Variants in TIAM1 observed in about 807,000 individuals in gnomAD.
TIAM1 encodes the protein TIAM Rac1 associated GEF 1, also known as rho guanine nucleotide exchange factor TIAM1.
TIAM1 carries 65 observed loss-of-function variants against 163.5 expected under a neutral mutation model. The observed-to-expected ratio is 0.40, with a 90% CI of 0.33 to 0.49. The LOEUF is 0.49. TIAM1 is among the 20% of genes least tolerant of loss of function. The pLI is 0.77. For missense variants in TIAM1, 1,789 were observed against 2,044.7 expected, an observed-to-expected ratio of 0.87 and a Z score of 2.41; for synonymous variants, 833 against 810.1, an observed-to-expected ratio of 1.03 and a Z score of -0.48.
intron 2 of TIAM1, among the ~76,000 whole-genome samples, chr21:31,383,428 T>C (rs2076813676): frequency 2.0e-5 from 3 of 152,180 alleles, no homozygotes; most frequent in Non-Finnish European, 4.4e-5. Flanking sequence ...CCCTAGGCTA[T>C]ATCCCACTCC....
At chr21:31,485,216 C>A (rs2147403960) in intron 1 of TIAM1, among the ~76,000 whole-genome samples, 1 of 152,240 alleles carries the variant, frequency 6.6e-6, no homozygotes, top group South Asian at 2.1e-4. Context: ...CAACACGCTG[C>A]CTTCCCACAA....
chr21:31,541,780 T>G (rs1465301857), intron 1 of TIAM1, among the ~76,000 whole-genome samples: 1 of 152,248 alleles, frequency 6.6e-6, no homozygotes. Context: ...ATCCTAGGAA[T>G]GCAGAAGAAT....
At chr21:31,469,079 CTTTT>C (rs765505214) in intron 1 of TIAM1, among the ~76,000 whole-genome samples, 17 of 110,906 alleles carry the variant, frequency 1.5e-4, no homozygotes, top group Admixed American at 4.2e-4. Flanking sequence ...GAACCAATCC[CTTTT>C]TTTTTTTTTT....
At chr21:31,340,894 AG>A (rs2075996799) in intron 1 of TIAM1, among the ~76,000 whole-genome samples, 1 of 152,170 alleles carries the variant, frequency 6.6e-6, no homozygotes, top group East Asian at 1.9e-4. Context: ...ACACTGGGAA[AG>A]TAAGATAAAA....
At chr21:31,548,809 T>C (rs1399950830) in intron 1 of TIAM1, among the ~76,000 whole-genome samples, 1 of 152,066 alleles carries the variant, frequency 6.6e-6, no homozygotes, top group African/African-American at 2.4e-5. Flanking sequence ...TTATTGACTA[T>C]GGACCTGATC....
At chr21:31,317,247 G>C (rs959050068) in intron 2 of TIAM1, among the ~76,000 whole-genome samples, 1 of 151,782 alleles carries the variant, frequency 6.6e-6, no homozygotes, top group Non-Finnish European at 1.5e-5. Flanking sequence ...CTGAGGTCAG[G>C]AGTTTGAGAC....
chr21:31,191,522 G>C (rs1250018772), intron 13 of TIAM1, among the ~76,000 whole-genome samples: 2 of 152,154 alleles, frequency 1.3e-5, no homozygotes, highest in African/African-American at 4.8e-5. Flanking sequence ...AGTAATGTCA[G>C]GACAGAAATC....
chr21:31,479,222 A>G (rs1385170393), intron 1 of TIAM1, among the ~76,000 whole-genome samples: 1 of 152,226 alleles, frequency 6.6e-6, no homozygotes, highest in Non-Finnish European at 1.5e-5. Flanking sequence ...CTCAATGAAC[A>G]GAATTTTAAA....
intron 1 of TIAM1, among the ~76,000 whole-genome samples, chr21:31,493,426 G>A (rs1457903630): frequency 6.6e-6 from 1 of 152,176 alleles, no homozygotes; most frequent in Non-Finnish European, 1.5e-5. Flanking sequence ...CATGAGAGAG[G>A]TGGCATCGGA....
intron 2 of TIAM1, among the ~76,000 whole-genome samples, chr21:31,387,208 T>C (rs974178147): frequency 1.4e-5 from 2 of 143,302 alleles, no homozygotes; most frequent in African/African-American, 5.2e-5. Context: ...TTTTTTTTTT[T>C]TTTTTTTTTT....
chr21:31,513,901 G>A (rs772815811), intron 1 of TIAM1, among the ~76,000 whole-genome samples: 20 of 152,090 alleles, frequency 1.3e-4, no homozygotes, highest in Non-Finnish European at 2.6e-4. Flanking sequence ...CAGCTACTCC[G>A]GAGGCTCAGG....
intron 2 of TIAM1, among the ~76,000 whole-genome samples, chr21:31,437,745 G>A (rs2044261995): frequency 2.0e-5 from 3 of 152,042 alleles, no homozygotes; most frequent in South Asian, 2.1e-4. Context: ...CTCTGGCCAC[G>A]TAAGAGTTGC....
At chr21:31,123,015 C>T (rs968911617) in intron 27 of TIAM1, among the ~76,000 whole-genome samples, 3 of 152,192 alleles carry the variant, frequency 2.0e-5, no homozygotes, top group African/African-American at 7.2e-5. Flanking sequence ...AAAAATGAGC[C>T]ATCAGGCAGA....
chr21:31,153,012 A>G (rs2083450612), intron 18 of TIAM1, 54 bp downstream of exon 18: 6 of 1,543,610 alleles, frequency 3.9e-6, no homozygotes, highest in Non-Finnish European at 5.3e-6. Context: ...CCTCTTTACC[A>G]ACAAGTCAAA....
At chr21:31,130,732 T>C (rs1449461729) in intron 24 of TIAM1, among the ~76,000 whole-genome samples, 158 bp downstream of exon 24, 2 of 152,158 alleles carry the variant, frequency 1.3e-5, no homozygotes, top group Non-Finnish European at 2.9e-5. Flanking sequence ...CCTGAAAAGA[T>C]GGCAGGATGA....
rs73353309 is a variant in TIAM1, at chr21:31,223,609, C to A, written c.1810-18G>T. 4.3e-3 allele frequency: 6,658 copies of A among 1,566,342 alleles called. 264 individuals carry two copies. In the African/African-American group the frequency reaches 0.082, roughly 19 times the overall value. ...ACAAAGATCTATGGTAGTGAAAACA[C>A]GGGAAAAGAAAAAGTGAGAAAATGG... On this transcript the variant is annotated intron_variant, in intron 7 of 27. Transcript: ENST00000541036.
intron 2 of TIAM1, among the ~76,000 whole-genome samples, chr21:31,281,333 A>G (rs895790061): frequency 3.9e-5 from 6 of 152,194 alleles, no homozygotes; most frequent in Admixed American, 6.5e-5. Flanking sequence ...TATTTGTCTT[A>G]TCAATACTTA....
chr21:31,323,501 G>C (rs1214661613), intron 2 of TIAM1, among the ~76,000 whole-genome samples: 1 of 152,000 alleles, frequency 6.6e-6, no homozygotes, highest in Non-Finnish European at 1.5e-5. Context: ...TTCAGCCCTG[G>C]AGTTCAAGAC....
At chr21:31,402,337 C>T (rs1180027155) in intron 2 of TIAM1, among the ~76,000 whole-genome samples, 8 of 152,072 alleles carry the variant, frequency 5.3e-5, no homozygotes, top group Admixed American at 4.6e-4. Flanking sequence ...ATTTGGTAAG[C>T]AGTAAATCTG....
Sources: gnomAD v4.1 joint callset for allele counts (sites outside exome capture counted in the v4.1 genomes callset) on GRCh38, gnomAD v4.1.1 for gene constraint, MANE v1.5 for transcripts, NCBI Gene and HGNC (gene_info 2026-07-23, HGNC 2026-07-21) for gene names.